Variants in SHISAL1 observed in about 807,000 individuals in gnomAD.
SHISAL1 encodes protein shisa-like-1.
SHISAL1 carries 9 observed loss-of-function variants against 22.6 expected under a neutral mutation model. That is an observed-to-expected ratio of 0.40 (90% CI 0.24 to 0.70). The LOEUF (loss-of-function observed/expected upper bound fraction) is 0.70, where lower values mean the gene tolerates loss of function less well. Ranked by LOEUF, SHISAL1 falls within the 30% of genes least tolerant of loss-of-function variation. SHISAL1 has a pLI of 0.39. For synonymous variants in SHISAL1, 119 were observed against 115.4 expected, an observed-to-expected ratio of 1.03 and a Z score of -0.20; for missense variants, 246 against 270.6, an observed-to-expected ratio of 0.91 and a Z score of 0.64.
At chr22:44,273,561 C>G (rs1483792887) in intron 4 of SHISAL1, among the ~76,000 whole-genome samples, 1 of 152,238 alleles carries the variant, frequency 6.6e-6, no homozygotes, top group Non-Finnish European at 1.5e-5. Flanking sequence ...CCTAAACTCT[C>G]TTGAGCCAGT....
chr22:44,269,591 TAC>T (rs135419), intron 4 of SHISAL1, among the ~76,000 whole-genome samples: 78,481 of 144,922 alleles, frequency 0.54, 22,154 homozygotes, highest in Non-Finnish European at 0.65. Flanking sequence ...TACCACACCA[TAC>T]ACACACACAC....
chr22:44,313,387 G>A (rs574834033), upstream of SHISAL1, among the ~76,000 whole-genome samples: 219 of 152,330 alleles, frequency 1.4e-3, no homozygotes, highest in Non-Finnish European at 2.4e-3. Context: ...ACACCAGCCC[G>A]GGGAGGAAGG....
At chr22:44,303,222 T>C (rs139631978) in intron 1 of SHISAL1, among the ~76,000 whole-genome samples, 6 of 152,070 alleles carry the variant, frequency 3.9e-5, no homozygotes, top group Non-Finnish European at 5.9e-5. Flanking sequence ...CTGTACCCCA[T>C]CCTCTCCCTG....
intron 1 of SHISAL1, among the ~76,000 whole-genome samples, chr22:44,308,803 G>T (rs1014362584): frequency 1.5e-4 from 23 of 152,328 alleles, no homozygotes; most frequent in African/African-American, 4.8e-4. Flanking sequence ...TCTGCCCCAG[G>T]GTTGGCCCTC....
intron 4 of SHISAL1, among the ~76,000 whole-genome samples, chr22:44,253,943 C>CA (rs1242848210): frequency 6.6e-6 from 1 of 150,952 alleles, no homozygotes; most frequent in Non-Finnish European, 1.5e-5. Flanking sequence ...AAGTAAATTC[C>CA]AAAAAACAGA....
At chr22:44,290,541 A>AAAAAAAAAAAAAAAC (rs1336476808) in intron 3 of SHISAL1, among the ~76,000 whole-genome samples, 1 of 151,680 alleles carries the variant, frequency 6.6e-6, no homozygotes, top group Non-Finnish European at 1.5e-5. Context: ...AAAAAAAAAA[A>AAAAAAAAAAAAAAAC]AAACAAAAAA....
At chr22:44,289,738 G>A (rs8136994) in intron 3 of SHISAL1, among the ~76,000 whole-genome samples, 23,227 of 152,226 alleles carry the variant, frequency 0.15, 1,916 homozygotes, top group African/African-American at 0.21. Context: ...GGCCCTCCCT[G>A]TGGTCAGCCA....
rs1192749210 is a variant in SHISAL1, at chr22:44,248,248, G to A, written c.*1437C>T. 6.6e-6 allele frequency: 1 copy of A among 152,232 alleles called. No individual in the cohort carries two copies. The highest frequency in any genetic ancestry group is 6.5e-5 in the Admixed American group (1 of 15,282). 9.4% of individuals were successfully genotyped at this position (152,232 alleles called of 1,614,324 possible). A position where few individuals can be genotyped will look rare whatever the true frequency, so the allele number is the denominator to read the frequency against. ...TCACTGTCGTGTCTGGTGAATGGAT[G>A]GGTGGTCAGTGTGAGAACACTAGGT... On this transcript the variant is annotated 3_prime_UTR_variant, in exon 5 of 5. Coordinates refer to ENST00000381176, the MANE Select transcript of SHISAL1 (RefSeq NM_001099294.2).
In SHISAL1 at chr22:44,248,905, G is replaced by C. The variant is rs1199096947; in HGVS notation, c.*780C>G. 3.3e-5 allele frequency: 5 copies of C among 152,184 alleles called. No individual in the cohort carries two copies. The highest frequency in any genetic ancestry group is 1.2e-4 in the African/African-American group (5 of 41,430). The allele number at this position is 152,184 out of a possible 1,614,324, so 9.4% of individuals were successfully genotyped here. On this transcript the variant is annotated 3_prime_UTR_variant, in exon 5 of 5. Transcript: ENST00000381176. ...GGGGGTTAATCATACCTGCCTCCCA[G>C]GTGGTGAGAGAGGGAGTGCATGAAA...
In SHISAL1 at chr22:44,285,708, A is replaced by G; in HGVS notation, c.319T>C (p.Phe107Leu). 1 of 1,613,588 alleles carries G rather than the reference A, an allele frequency of 6.2e-7. No individual in the cohort carries two copies. Among genetic ancestry groups the G allele is most frequent in the Non-Finnish European group, 8.5e-7 (1 of 1,179,682 alleles). Residue 107 changes from phenylalanine to leucine, a missense_variant, in exon 4 of 5, where the codon TTT becomes CTT. Transcript: ENST00000381176. Reference sequence around the variant, plus strand: ...AGAACCAGCAGCATCAACACGAAAAATCCATAGATCCACACTCCCAACAAG... The same window carrying G: ...AGAACCAGCAGCATCAACACGAAAAGTCCATAGATCCACACTCCCAACAAG... The part of the protein sequence containing the change: ...TALLGVWIYG[F>L]FVLMLLVLDL...
chr22:44,267,308 T>C (rs1183752630), intron 4 of SHISAL1, among the ~76,000 whole-genome samples: 1 of 152,106 alleles, frequency 6.6e-6, no homozygotes, highest in Non-Finnish European at 1.5e-5. Context: ...TCCATGCTGC[T>C]GAGACCAAAG....
rs575767663 is a variant in SHISAL1 at position 44,257,767 on chromosome 22, C to T, written c.*-8082G>A. ...GCAACCTCTCTCTGCATGCACTTCC[C>T]GAAGAAGCTCTGGAGCTGGTCTTCA... is the stretch of plus-strand genomic sequence containing the variant. On this transcript the variant is annotated intron_variant, in intron 4 of 4. Coordinates refer to ENST00000381176, the MANE Select transcript of SHISAL1 (RefSeq NM_001099294.2). 6.4e-4 allele frequency among the ~76,000 whole-genome samples: 98 copies of T among 152,304 alleles called. No individual in the cohort carries two copies. In the Middle Eastern group the frequency reaches 0.01, roughly 16 times the overall value.
chr22:44,264,449 G>A (rs1338271105), intron 4 of SHISAL1, among the ~76,000 whole-genome samples: 2 of 152,194 alleles, frequency 1.3e-5, no homozygotes, highest in Non-Finnish European at 2.9e-5. Context: ...GAGAGCAGGT[G>A]TGGTGTGAGC....
intron 1 of SHISAL1, among the ~76,000 whole-genome samples, chr22:44,303,653 T>A (rs73165822): frequency 0.16 from 25,074 of 152,174 alleles, 2,314 homozygotes; most frequent in Middle Eastern, 0.21. Context: ...ACCTCTTGGT[T>A]TGAGGAGCTT....
chr22:44,261,536 T>C (rs1340610319), intron 4 of SHISAL1, among the ~76,000 whole-genome samples: 1 of 152,176 alleles, frequency 6.6e-6, no homozygotes, highest in Non-Finnish European at 1.5e-5. Context: ...TGTGTGACCC[T>C]GGGTGAGTCA....
chr22:44,267,513 C>T (rs866854356), intron 4 of SHISAL1, among the ~76,000 whole-genome samples: 32 of 152,170 alleles, frequency 2.1e-4, no homozygotes, highest in Middle Eastern at 6.8e-3. Flanking sequence ...GGCTGCAGCT[C>T]GTGGGAGAGC....
At chr22:44,275,216 C>T (rs184604360) in intron 4 of SHISAL1, among the ~76,000 whole-genome samples, 1 of 152,296 alleles carries the variant, frequency 6.6e-6, no homozygotes, top group African/African-American at 2.4e-5. Flanking sequence ...GAAGAGTACA[C>T]CTGCCACCTC....
intron 3 of SHISAL1, among the ~76,000 whole-genome samples, chr22:44,293,356 G>A (rs2055365823): frequency 6.6e-6 from 1 of 152,162 alleles, no homozygotes; most frequent in Non-Finnish European, 1.5e-5. Context: ...CTTAACTGGA[G>A]ATGATTCTGT....
chr22:44,247,596 C>T lies in SHISAL1; in HGVS notation c.*2089G>A, dbSNP rs2055012760. The stretch of plus-strand genomic sequence containing the variant: ...TGGACCCAAAGACTGAAGCCAGGGG[C>T]CTGGGTCTTCCACAGCTGACCTGTG... On this transcript the variant is annotated 3_prime_UTR_variant, in exon 5 of 5. Coordinates refer to ENST00000381176, the MANE Select transcript of SHISAL1 (RefSeq NM_001099294.2). 1 of 152,358 alleles carries T rather than the reference C, an allele frequency of 6.6e-6. No homozygotes were observed. Among genetic ancestry groups the T allele is most frequent in the African/African-American group, 2.4e-5 (1 of 41,462 alleles). The allele number at this position is 152,358 out of a possible 1,614,324, so 9.4% of individuals were successfully genotyped here.
Sources: allele counts gnomAD v4.1 joint callset (sites outside exome capture counted in the v4.1 genomes callset), GRCh38; gene constraint gnomAD v4.1.1; transcripts MANE v1.5; gene names NCBI Gene and HGNC (gene_info 2026-07-23, HGNC 2026-07-21).